PIK3AP1: variants seen among roughly 807,000 people sequenced by gnomAD.
PIK3AP1 encodes the protein phosphoinositide-3-kinase adaptor protein 1.
A neutral mutation model predicts 88.1 loss-of-function variants in PIK3AP1; 21 were observed. The observed-to-expected ratio is 0.24, with a 90% CI of 0.17 to 0.34. The LOEUF (loss-of-function observed/expected upper bound fraction) is 0.34, where lower values mean the gene tolerates loss of function less well. PIK3AP1 is among the 10% of genes least tolerant of loss of function. The pLI is 1.00. For missense variants in PIK3AP1, 828 were observed against 1,035.7 expected (o/e 0.80, Z 2.75); for synonymous variants, 398 against 400.0 (o/e 1.00, Z 0.06).
At chr10:96,664,348 T>C (rs928709857) in intron 2 of PIK3AP1, among the ~76,000 whole-genome samples, 2 of 152,216 alleles carry the variant, frequency 1.3e-5, no homozygotes, top group Admixed American at 6.5e-5. Flanking sequence ...GAAGAAAATG[T>C]GTGGCTGGAT....
chr10:96,665,033 C>T (rs75105748), intron 2 of PIK3AP1, among the ~76,000 whole-genome samples: 11 of 152,280 alleles, frequency 7.2e-5, no homozygotes, highest in East Asian at 3.9e-4. Flanking sequence ...GAAGATAATA[C>T]CACCTTTGCT....
At chr10:96,648,985 T>G (rs1301322442) in intron 6 of PIK3AP1, 130 bp from the exon 7 acceptor site, 16 of 696,104 alleles carry the variant, frequency 2.3e-5, no homozygotes, top group Admixed American at 1.2e-4. Context: ...ATTGATTGAC[T>G]GACCTAACAT....
intron 13 of PIK3AP1, among the ~76,000 whole-genome samples, chr10:96,613,208 A>G (rs183755529): frequency 0.045 from 6,851 of 151,712 alleles, 197 homozygotes; most frequent in African/African-American, 0.085. Context: ...CATGTTGGCC[A>G]GGCTGCTCTC....
At chr10:96,711,516 A>C (rs978769277) in intron 1 of PIK3AP1, among the ~76,000 whole-genome samples, 14 of 152,234 alleles carry the variant, frequency 9.2e-5, no homozygotes, top group Admixed American at 1.3e-4. Context: ...CCTAAGTTGT[A>C]GACTAAAACA....
At chr10:96,631,084 C>T (rs544784427) in intron 8 of PIK3AP1, among the ~76,000 whole-genome samples, 8 of 152,278 alleles carry the variant, frequency 5.3e-5, no homozygotes, top group Admixed American at 3.3e-4. Context: ...AAGACATGCT[C>T]GGGTCAGACA....
intron 10 of PIK3AP1, among the ~76,000 whole-genome samples, chr10:96,625,362 A>G (rs1843140820): frequency 1.3e-5 from 2 of 152,186 alleles, no homozygotes; most frequent in Non-Finnish European, 2.9e-5. Context: ...GCAAAGGGCT[A>G]GAGGGACATG....
At chr10:96,705,751 T>A (rs1193861320) in intron 2 of PIK3AP1, among the ~76,000 whole-genome samples, 1 of 151,734 alleles carries the variant, frequency 6.6e-6, no homozygotes, top group African/African-American at 2.4e-5. Context: ...CCCAGCTAAT[T>A]TTTGTATTTT....
chr10:96,685,877 A>G (rs1844060809), intron 2 of PIK3AP1, among the ~76,000 whole-genome samples: 1 of 152,136 alleles, frequency 6.6e-6, no homozygotes, highest in South Asian at 2.1e-4. Context: ...GAAACTAGCC[A>G]CCAACAGACT....
At chr10:96,612,972 ATATATATATATTTTTTTTTTTTTT>A (rs1849145389) in intron 13 of PIK3AP1, among the ~76,000 whole-genome samples, 29 of 103,176 alleles carry the variant, frequency 2.8e-4, no homozygotes, top group East Asian at 9.6e-4. Context: ...ATATATATAT[ATATATATATATTTTTTTTTTTTTT>A]TTTTTTTTTT....
chr10:96,619,676 G>A (rs998446658), intron 12 of PIK3AP1, among the ~76,000 whole-genome samples: 2 of 152,182 alleles, frequency 1.3e-5, no homozygotes, highest in African/African-American at 4.8e-5. Flanking sequence ...TTATGATACA[G>A]GTATGGAGTT....
At chr10:96,685,197 T>C (rs1844052626) in intron 2 of PIK3AP1, among the ~76,000 whole-genome samples, 1 of 152,250 alleles carries the variant, frequency 6.6e-6, no homozygotes, top group African/African-American at 2.4e-5. Context: ...GTTCCTTAGA[T>C]AACCAGTGTC....
At chr10:96,622,169 A>G (rs1843092950) in intron 11 of PIK3AP1, among the ~76,000 whole-genome samples, 1 of 152,256 alleles carries the variant, frequency 6.6e-6, no homozygotes, top group Non-Finnish European at 1.5e-5. Context: ...GCCCAACAGC[A>G]TCAGGTATAA....
rs1185857133 is a variant in PIK3AP1 at position 96,617,997 on chromosome 10, G to C, written c.1942-1286C>G. 3.3e-5 allele frequency among the ~76,000 whole-genome samples: 5 copies of C among 152,206 alleles called. No individual in the cohort carries two copies. The East Asian group carries it at 9.6e-4, about 29-fold the overall frequency. Reference sequence around the variant, plus strand: ...CGTGAAGGAGACAGAGGAGTGGACAGAGAGGCAGAGGAAAAGGAAGATGAG... The same window carrying C: ...CGTGAAGGAGACAGAGGAGTGGACACAGAGGCAGAGGAAAAGGAAGATGAG... On this transcript the variant is annotated intron_variant, in intron 12 of 16. Coordinates refer to ENST00000339364, the MANE Select transcript of PIK3AP1 (RefSeq NM_152309.3).
At position 96,669,261 on chromosome 10, in the gene PIK3AP1, C is replaced by T. The variant is rs572832174; in HGVS notation, c.431-12327G>A. 1.4e-4 allele frequency among the ~76,000 whole-genome samples: 22 copies of T among 152,300 alleles called. No homozygotes were observed. In the South Asian group the frequency reaches 4.3e-3, roughly 30 times the overall value. On this transcript the variant is annotated intron_variant, in intron 2 of 16. Transcript: ENST00000339364. ...TCAGCTGTTACGATGTTCATTCATC[C>T]TACCTAAGCCACAGTGATGAAACCA...
At chr10:96,629,930 A>AAAAAAAAGAAGAAG (rs776780994) in intron 8 of PIK3AP1, among the ~76,000 whole-genome samples, 35 of 13,700 alleles carry the variant, frequency 2.6e-3, no homozygotes, top group South Asian at 8.8e-3. Context: ...AAAAAAAAAA[A>AAAAAAAAGAAGAAG]AAGAAGAAGA....
At chr10:96,601,875 C>T (rs1848903228) in intron 16 of PIK3AP1, among the ~76,000 whole-genome samples, 1 of 152,164 alleles carries the variant, frequency 6.6e-6, no homozygotes, top group African/African-American at 2.4e-5. Flanking sequence ...GTAGGCATTT[C>T]AATTAGCTCT....
intron 16 of PIK3AP1, 119 bp from the exon 17 acceptor site, chr10:96,595,753 A>T (rs1300010618): frequency 3.2e-6 from 3 of 928,850 alleles, no homozygotes; most frequent in Non-Finnish European, 5.1e-6. Context: ...TCAATGAGAC[A>T]GGACACACAT....
intron 9 of PIK3AP1, among the ~76,000 whole-genome samples, chr10:96,627,992 A>G (rs1843176490): frequency 6.6e-6 from 1 of 152,120 alleles, no homozygotes; most frequent in African/African-American, 2.4e-5. Flanking sequence ...CTTTGTTTAT[A>G]TTTGCCTCCT....
chr10:96,654,219 A>G (rs1843583494), intron 3 of PIK3AP1, among the ~76,000 whole-genome samples: 1 of 148,650 alleles, frequency 6.7e-6, no homozygotes, highest in South Asian at 2.1e-4. Flanking sequence ...AAGATCTCAC[A>G]CTAAGCCTGC....
Sources: gnomAD v4.1 joint callset for allele counts (sites outside exome capture counted in the v4.1 genomes callset) on GRCh38, gnomAD v4.1.1 for gene constraint, MANE v1.5 for transcripts, NCBI Gene and HGNC (gene_info 2026-07-23, HGNC 2026-07-21) for gene names.